MPND: variants seen among roughly 807,000 people sequenced by gnomAD.
MPND encodes the protein MPN domain-containing protein.
A neutral mutation model predicts 59.2 loss-of-function variants in MPND; 56 were observed. The observed-to-expected ratio is 0.95, with a 90% confidence interval of 0.76 to 1.18. The LOEUF is 1.18. Among genes scored for constraint, MPND ranks in the 50% most tolerant of loss-of-function variants. MPND has a pLI of 0.00. For missense variants in MPND, 671 were observed against 676.0 expected, an observed-to-expected ratio of 0.99 and a Z score of 0.08; for synonymous variants, 323 against 291.9, an observed-to-expected ratio of 1.11 and a Z score of -1.09.
At position 4,357,557 on chromosome 19, in the gene MPND, C is replaced by T. The variant is rs772458528; in HGVS notation, c.1208C>T (p.Ser403Leu). 1.2e-5 allele frequency: 19 copies of T among 1,613,396 alleles called. No homozygotes were observed. Among genetic ancestry groups the T allele is most frequent in the South Asian group, 8.8e-5 (8 of 90,874 alleles). ...SGNPGPESKI[S>L]PFWVMPPPEQ... ...AACCCAGGCCCCGAGTCCAAGATCT[C>T]ACCTTTCTGGGTGATGCCTCCTCCC... Residue 403 changes from serine (S) to leucine (L), a missense_variant, in exon 10 of 13, where the codon TCA (serine) becomes TTA (leucine). Ser to Leu is a moderately radical substitution (Grantham distance 145). Coordinates refer to ENST00000599840, the MANE Select transcript of MPND (RefSeq NM_001300862.2).
rs932378954 is a variant in MPND at position 4,353,101 on chromosome 19, G to A, written c.664+72G>A. The A allele has an allele frequency of 1.1e-5, 13 of 1,231,498 alleles. No homozygotes were observed. The South Asian group carries it at 1.6e-4, about 15-fold the overall frequency. The allele number at this position is 1,231,498 out of a possible 1,614,324, so 76.3% of individuals were successfully genotyped here. ...GGGTTGGGGAGGAGACTGGGGAGAG[G>A]TTGGGCCTTGATCTTCTCCTAGGGC... On this transcript the variant is annotated intron_variant, in intron 4 of 12. Coordinates refer to ENST00000599840, the MANE Select transcript of MPND (RefSeq NM_001300862.2).
chr19:4,345,958 A>G lies in MPND; in HGVS notation c.508A>G (p.Thr170Ala). 1 of 1,612,164 alleles carries G rather than the reference A, an allele frequency of 6.2e-7. No individual in the cohort carries two copies. The highest frequency in any genetic ancestry group is 1.3e-5 in the African/African-American group (1 of 75,022). Residue 170 changes from threonine to alanine, a missense_variant, in exon 3 of 13, where the codon ACG (threonine) becomes GCG (alanine). By Grantham distance (58) the Thr-to-Ala change is moderately conservative. Transcript: ENST00000599840. ...CTGGCTCCGGCTGCACCAGCTGCACACGCCTGCCACGGCTGCTGATGAGGT... is the reference window on the plus strand; with the variant it reads ...CTGGCTCCGGCTGCACCAGCTGCACGCGCCTGCCACGGCTGCTGATGAGGT... Reference protein sequence around the residue: ...ATWLRLHQLHTPATAADESPA... With the variant: ...ATWLRLHQLHAPATAADESPA...
intron 3 of MPND, chr19:4,347,772 G>A: frequency 5.4e-6 from 3 of 551,234 alleles, no homozygotes; most frequent in Non-Finnish European, 9.5e-6. Flanking sequence ...CGACGCAGTG[G>A]CAAAAAAACC....
rs748124568 is a variant in MPND at position 4,357,543 on chromosome 19, C to T, written c.1194C>T (p.Pro398=). 32 of 1,613,616 alleles carry T rather than the reference C, an allele frequency of 2.0e-5. No homozygotes were observed. The Middle Eastern group carries it at 4.9e-4, about 25-fold the overall frequency. Residue 398 remains proline, a synonymous_variant, in exon 10 of 13, where the codon CCC becomes CCT. Coordinates refer to ENST00000599840, the MANE Select transcript of MPND (RefSeq NM_001300862.2). ...CSPYYSGNPG[P]ESKISPFWVM... ...CTTACTATTCTGGCAACCCAGGCCC[C>T]GAGTCCAAGATCTCACCTTTCTGGG...
chr19:4,357,880 A>G (rs1972478573), intron 10 of MPND: 2 of 608,926 alleles, frequency 3.3e-6, no homozygotes, highest in East Asian at 5.5e-5. Context: ...AAGTCATTTC[A>G]GGGCCCTGGC....
chr19:4,357,661 CT>C, intron 10 of MPND, 76 bp downstream of exon 10: 1 of 1,425,418 alleles, frequency 7.0e-7, no homozygotes, highest in Non-Finnish European at 9.6e-7. Flanking sequence ...GCAGGGGCCC[CT>C]GGTTCCAGGC....
At chr19:4,351,324 G>A (rs1424487065) in intron 3 of MPND, among the ~76,000 whole-genome samples, 1 of 151,964 alleles carries the variant, frequency 6.6e-6, no homozygotes, top group Non-Finnish European at 1.5e-5. Flanking sequence ...GGCTGGTCTC[G>A]AACTCCTGAC....
chr19:4,355,090 C>T lies in MPND; in HGVS notation c.920-7C>T, dbSNP rs998100120. On this transcript the variant is annotated splice_polypyrimidine_tract_variant and splice_region_variant and intron_variant, in intron 7 of 12. Coordinates refer to ENST00000599840, the MANE Select transcript of MPND (RefSeq NM_001300862.2). ...GGTCACGGGGTCACAGCTGCCCCTC[C>T]CCACAGTGCTGACGGTGCTCAGAGC... is the stretch of plus-strand genomic sequence containing the variant. 1.2e-6 allele frequency: 2 copies of T among 1,613,852 alleles called. No individual in the cohort carries two copies. Among genetic ancestry groups the T allele is most frequent in the Non-Finnish European group, 1.7e-6 (2 of 1,179,992 alleles).
At chr19:4,357,641 T>G in intron 10 of MPND, 56 bp downstream of exon 10, 1 of 1,535,138 alleles carries the variant, frequency 6.5e-7, no homozygotes, top group Non-Finnish European at 8.9e-7. Flanking sequence ...GGCATTTGGG[T>G]CACGACTAGG....
chr19:4,343,637 G>A, intron 1 of MPND, 37 bp downstream of exon 1: 1 of 1,205,328 alleles, frequency 8.3e-7, no homozygotes, highest in Non-Finnish European at 1.0e-6. Context: ...CGCGGGGCGC[G>A]GGGCTGCAGG....
Position 4,357,274 on chromosome 19 carries a change from C to T in MPND, c.1018C>T (p.Arg340Trp), listed in dbSNP as rs569249456. The T allele has an allele frequency of 4.9e-5, 79 of 1,608,578 alleles. No homozygotes were observed. In the Admixed American group the frequency reaches 8.9e-4, roughly 18 times the overall value. Residue 340 changes from arginine (R) to tryptophan (W), a missense_variant, in exon 9 of 13, where the codon CGG (arginine) becomes TGG (tryptophan). Coordinates refer to ENST00000599840, the MANE Select transcript of MPND (RefSeq NM_001300862.2). Reference sequence around the variant, plus strand: ...CCAGATCTACCAGAGCCTGTTCCTGCGGGGCCTGTCCCTGGTGGGCTGGTA... The same window carrying T: ...CCAGATCTACCAGAGCCTGTTCCTGTGGGGCCTGTCCCTGGTGGGCTGGTA... ...EEEIYQSLFL[R>W]GLSLVGWYHS... is the part of the protein sequence containing the mutation.
At position 4,357,448 on chromosome 19, in the gene MPND, GCAA is replaced by G. The variant is rs763662737; in HGVS notation, c.1165+28_1165+30del. 41 of 1,609,406 alleles carry G rather than the reference GCAA, an allele frequency of 2.5e-5. No individual in the cohort carries two copies. In the Admixed American group the frequency reaches 6.9e-4, roughly 27 times the overall value. On this transcript the variant is annotated intron_variant, in intron 9 of 12. Transcript: ENST00000599840. ...TACGCGGGATGGGGCTGTGGGGGGA[GCAA>G]GGAGGGGGGATGCTGGGCCAGCCGA...
At chr19:4,359,389 G>T in intron 12 of MPND, 134 bp downstream of exon 12, 1 of 647,642 alleles carries the variant, frequency 1.5e-6, no homozygotes. Context: ...TGGTGACCCT[G>T]GTCACCCCGT....
chr19:4,345,401 A>G (rs1164270517), intron 2 of MPND, among the ~76,000 whole-genome samples: 3 of 152,202 alleles, frequency 2.0e-5, no homozygotes, highest in Admixed American at 1.3e-4. Context: ...ATGGTAGCAC[A>G]TTATTCCCCT....
intron 3 of MPND, among the ~76,000 whole-genome samples, chr19:4,349,823 T>C (rs918836773): frequency 3.4e-4 from 51 of 152,202 alleles, no homozygotes; most frequent in African/African-American, 1.2e-3. Context: ...TCAAGAGCAA[T>C]GTCCTTTCTG....
intron 8 of MPND, among the ~76,000 whole-genome samples, chr19:4,355,712 G>A (rs1222273343): frequency 2.0e-5 from 3 of 150,838 alleles, no homozygotes; most frequent in Admixed American, 6.6e-5. Flanking sequence ...CTCGTGATCC[G>A]CCCACCTCAG....
In MPND at chr19:4,353,986, C is replaced by T. The variant is rs561740113; in HGVS notation, c.665-59C>T. 3.5e-5 allele frequency: 52 copies of T among 1,466,098 alleles called. No homozygotes were observed. The African/African-American group carries it at 5.3e-4, about 15-fold the overall frequency. 90.8% of individuals were successfully genotyped at this position (1,466,098 alleles called of 1,614,324 possible). On this transcript the variant is annotated intron_variant, in intron 4 of 12. Coordinates refer to ENST00000599840, the MANE Select transcript of MPND (RefSeq NM_001300862.2). ...GGCATGCACCACCACACCCAGTGGC[C>T]ACCTAATTTGTTCTAACTTGGGCTG...
chr19:4,349,800 C>T (rs1413001290), intron 3 of MPND, among the ~76,000 whole-genome samples: 1 of 152,200 alleles, frequency 6.6e-6, no homozygotes, highest in African/African-American at 2.4e-5. Flanking sequence ...CGTGAGCCAG[C>T]CATGGAGCCT....
chr19:4,350,981 G>C (rs1972304305), intron 3 of MPND, among the ~76,000 whole-genome samples: 1 of 152,136 alleles, frequency 6.6e-6, no homozygotes, highest in African/African-American at 2.4e-5. Context: ...CCGTGTCCTG[G>C]TAGGTAGGAG....
Sources: allele counts gnomAD v4.1 joint callset (sites outside exome capture counted in the v4.1 genomes callset), GRCh38; gene constraint gnomAD v4.1.1; transcripts MANE v1.5; gene names NCBI Gene and HGNC (gene_info 2026-07-23, HGNC 2026-07-21).